Variants in DMD observed in about 807,000 individuals in gnomAD.
The protein encoded by DMD is dystrophin, also known as mutant dystrophin.
DMD carries 63 observed loss-of-function variants against 330.1 expected under a neutral mutation model. That is an observed-to-expected ratio of 0.19 (90% CI 0.16 to 0.24). The LOEUF (loss-of-function observed/expected upper bound fraction) is 0.24, where lower values mean the gene tolerates loss of function less well. Among genes scored for constraint, DMD ranks in the 10% least tolerant of loss-of-function variants. DMD has a pLI of 1.00. For missense variants in DMD, 3,344 were observed against 2,684.1 expected (o/e 1.25, Z -5.43); for synonymous variants, 1,223 against 959.8 (o/e 1.27, Z -5.07).
At chrX:31,882,960 G>T (rs1387937446) in intron 47 of DMD, among the ~76,000 whole-genome samples, 2 of 111,408 alleles carry the variant, frequency 1.8e-5, no homozygotes, top group Non-Finnish European at 3.8e-5. Context: ...TTATGACCTA[G>T]CCATTGTACT....
chrX:31,191,992 T>C (rs753326540), intron 67 of DMD, among the ~76,000 whole-genome samples: 1 of 112,536 alleles, frequency 8.9e-6, no homozygotes, highest in African/African-American at 3.2e-5. Flanking sequence ...CACAAAGATT[T>C]AAAACTACAA....
intron 60 of DMD, among the ~76,000 whole-genome samples, chrX:31,420,401 A>G (rs1293952853): frequency 8.9e-6 from 1 of 112,335 alleles, no homozygotes; most frequent in Non-Finnish European, 1.9e-5. Flanking sequence ...TTTGTCCATT[A>G]CTTCTTTCTC....
chrX:32,035,223 A>C (rs1362650332), intron 44 of DMD, among the ~76,000 whole-genome samples: 1 of 111,805 alleles, frequency 8.9e-6, no homozygotes, highest in Non-Finnish European at 1.9e-5. Flanking sequence ...GCATCATTTT[A>C]CTCAACTGAT....
chrX:32,555,749 T>C (rs1374582851), intron 16 of DMD, among the ~76,000 whole-genome samples: 1 of 111,879 alleles, frequency 8.9e-6, no homozygotes, highest in East Asian at 2.8e-4. Flanking sequence ...ATTTAATACA[T>C]AGTGCTGGGA....
intron 2 of DMD, among the ~76,000 whole-genome samples, chrX:32,850,071 T>C (rs1375722782): frequency 8.9e-6 from 1 of 112,009 alleles, no homozygotes; most frequent in African/African-American, 3.2e-5. Context: ...AATGATCTAA[T>C]TAATTCACTG....
chrX:31,386,211 C>A (rs1351189905), intron 60 of DMD, among the ~76,000 whole-genome samples: 1 of 111,245 alleles, frequency 9.0e-6, no homozygotes, highest in Non-Finnish European at 1.9e-5. Flanking sequence ...GAACATCACA[C>A]ACCAGGGACT....
chrX:31,478,943 C>A, intron 58 of DMD, 40 bp downstream of exon 58: 1 of 1,200,676 alleles, frequency 8.3e-7, no homozygotes. Flanking sequence ...CACCACTGAT[C>A]CTTCTATCAA....
chrX:31,656,865 C>T (rs759830352), intron 54 of DMD, among the ~76,000 whole-genome samples: 2 of 111,420 alleles, frequency 1.8e-5, no homozygotes, highest in East Asian at 2.8e-4. Flanking sequence ...ATGGTCTTTT[C>T]CATCTATACA....
chrX:33,025,640 A>C (rs1432164503), intron 1 of DMD, among the ~76,000 whole-genome samples: 2 of 111,469 alleles, frequency 1.8e-5, no homozygotes, highest in African/African-American at 6.5e-5. Flanking sequence ...GTAACTTCAG[A>C]CCCCTGGGCT....
intron 55 of DMD, among the ~76,000 whole-genome samples, chrX:31,626,604 C>T (rs2078861020): frequency 9.0e-6 from 1 of 110,711 alleles, no homozygotes; most frequent in Non-Finnish European, 1.9e-5. Flanking sequence ...AATTCAGGAG[C>T]CATACATTGC....
At chrX:32,558,933 A>ATTTTCTTTTTTTT (rs1569199330) in intron 16 of DMD, among the ~76,000 whole-genome samples, 5 of 64,321 alleles carry the variant, frequency 7.8e-5, no homozygotes, top group African/African-American at 3.7e-4. Context: ...GTAACTTCAA[A>ATTTTCTTTTTTTT]TTTTCTTTTT....
At chrX:32,082,425 T>TATC (rs753544475) in intron 44 of DMD, among the ~76,000 whole-genome samples, 1 of 109,754 alleles carries the variant, frequency 9.1e-6, no homozygotes, top group Non-Finnish European at 1.9e-5. Context: ...TCTATCTATC[T>TATC]ATCTATCTAT....
intron 62 of DMD, among the ~76,000 whole-genome samples, chrX:31,283,461 TTC>T (rs779991834): frequency 4.8e-4 from 54 of 111,724 alleles, no homozygotes; most frequent in Middle Eastern, 4.6e-3. Context: ...GTTAGAATAT[TTC>T]TCTTTTTTCT....
chrX:32,941,795 T>A lies in DMD; in HGVS notation c.93+78344A>T, dbSNP rs149334386. Among the ~76,000 whole-genome samples the A allele has an allele frequency of 1.8e-3, 199 of 110,956 alleles. 1 individual carries two copies. The highest frequency in any genetic ancestry group is 6.4e-3 in the African/African-American group (195 of 30,453). On this transcript the variant is annotated intron_variant, in intron 2 of 78. Coordinates refer to ENST00000357033, the MANE Select transcript of DMD (RefSeq NM_004006.3). ...TCCCATAAGGAGTTGAAAACTGGTC[T>A]AGGTAAATGAGGCAACCCTGTCACG...
At chrX:31,434,587 C>A (rs1402102616) in intron 60 of DMD, among the ~76,000 whole-genome samples, 2 of 111,130 alleles carry the variant, frequency 1.8e-5, no homozygotes, top group Non-Finnish European at 3.8e-5. Context: ...GAAACCATAA[C>A]CTCCATGAGG....
At chrX:31,468,742 C>T (rs374613388) in intron 59 of DMD, among the ~76,000 whole-genome samples, 1 of 110,933 alleles carries the variant, frequency 9.0e-6, no homozygotes, top group African/African-American at 3.3e-5. Flanking sequence ...TTCGTTGATC[C>T]GTCTAATATT....
intron 1 of DMD, among the ~76,000 whole-genome samples, chrX:33,156,262 CTGAG>C (rs1383820041): frequency 8.9e-6 from 1 of 112,093 alleles, no homozygotes; most frequent in African/African-American, 3.2e-5. Flanking sequence ...ACTTGTCCAT[CTGAG>C]TATCAATGGA....
chrX:33,101,967 A>C (rs1253923726), intron 1 of DMD, among the ~76,000 whole-genome samples: 1 of 111,940 alleles, frequency 8.9e-6, no homozygotes, highest in African/African-American at 3.2e-5. Flanking sequence ...CTTTGATAAA[A>C]CTTTCAAAGA....
chrX:33,319,669 A>T (rs189211751), intron 1 of DMD, among the ~76,000 whole-genome samples: 59 of 112,410 alleles, frequency 5.2e-4, no homozygotes, highest in Admixed American at 1.2e-3. Context: ...TCATAGACAG[A>T]TGTAAATCTA....
Sources: allele counts gnomAD v4.1 joint callset (sites outside exome capture counted in the v4.1 genomes callset), GRCh38; gene constraint gnomAD v4.1.1; transcripts MANE v1.5; gene names NCBI Gene and HGNC (gene_info 2026-07-23, HGNC 2026-07-21).